The following GDPD5 variants were observed in gnomAD, a reference collection of about 807,000 sequenced individuals.
The protein encoded by GDPD5 is glycerophosphodiester phosphodiesterase domain containing 5.
GDPD5 carries 48 observed loss-of-function variants against 75.1 expected under a neutral mutation model. That is an observed-to-expected ratio of 0.64 (90% CI 0.51 to 0.81). GDPD5 has a LOEUF of 0.81. Ranked by LOEUF, GDPD5 falls within the 40% of genes least tolerant of loss-of-function variation. GDPD5 has a pLI of 0.00. For synonymous variants in GDPD5, 336 were observed against 339.0 expected (o/e 0.99, Z 0.10); for missense variants, 706 against 822.6 (o/e 0.86, Z 1.73).
intron 14 of GDPD5, 47 bp from the exon 15 acceptor site, chr11:75,440,008 G>A: frequency 6.8e-7 from 1 of 1,460,000 alleles, no homozygotes; most frequent in Non-Finnish European, 9.6e-7. Flanking sequence ...GGCCAGTCCA[G>A]ACTGAGGCTC....
chr11:75,462,723 G>A lies in GDPD5; in HGVS notation c.221+63C>T, dbSNP rs762797062. ...AGACAGGCTCTAACTCCAGCCCCCA[G>A]GTCCCAGCTACTGGATACCCAGCTC... On this transcript the variant is annotated intron_variant, in intron 4 of 16. Coordinates refer to ENST00000336898, the MANE Select transcript of GDPD5 (RefSeq NM_030792.8). 2.7e-4 allele frequency: 341 copies of A among 1,267,676 alleles called. 1 individual carries two copies. Among genetic ancestry groups the A allele is most frequent in the Non-Finnish European group, 3.6e-4 (316 of 883,866 alleles). The allele number at this position is 1,267,676 out of a possible 1,614,324, so 78.5% of individuals were successfully genotyped here. A position where few individuals can be genotyped will look rare whatever the true frequency, so the allele number is the denominator to read the frequency against.
intron 14 of GDPD5, among the ~76,000 whole-genome samples, chr11:75,440,558 C>T (rs963539543): frequency 5.3e-5 from 8 of 152,056 alleles, no homozygotes; most frequent in African/African-American, 1.7e-4. Flanking sequence ...TTAATTGTTT[C>T]CTATTCTTTT....
chr11:75,481,122 AC>A (rs1337478930), intron 2 of GDPD5, among the ~76,000 whole-genome samples: 1 of 152,126 alleles, frequency 6.6e-6, no homozygotes, highest in African/African-American at 2.4e-5. Context: ...GTGGGCACTG[AC>A]CAAAGTGCAG....
At chr11:75,437,322 A>C in intron 15 of GDPD5, 1 of 463,934 alleles carries the variant, frequency 2.2e-6, no homozygotes, top group Non-Finnish European at 3.9e-6. Flanking sequence ...GTTCTGTCTC[A>C]GGTGTCCCCA....
intron 1 of GDPD5, among the ~76,000 whole-genome samples, chr11:75,504,822 C>A (rs536179926): frequency 6.6e-6 from 1 of 152,098 alleles, no homozygotes; most frequent in African/African-American, 2.4e-5. Flanking sequence ...TTAAATAATA[C>A]AATTTTTAAA....
At chr11:75,464,983 CCTT>C (rs1382743860) in intron 3 of GDPD5, among the ~76,000 whole-genome samples, 6 of 152,312 alleles carry the variant, frequency 3.9e-5, no homozygotes, top group African/African-American at 1.4e-4. Context: ...CAGGACTAGT[CCTT>C]CTCAGAATCC....
At chr11:75,456,982 A>C (rs957303470) in intron 5 of GDPD5, among the ~76,000 whole-genome samples, 166 bp from the exon 6 acceptor site, 71 of 152,228 alleles carry the variant, frequency 4.7e-4, no homozygotes, top group Admixed American at 4.6e-3. Context: ...AGCCCAGCCC[A>C]GACTAGCCAG....
At chr11:75,455,855 C>T (rs1056592294) in intron 6 of GDPD5, among the ~76,000 whole-genome samples, 5 of 152,170 alleles carry the variant, frequency 3.3e-5, no homozygotes, top group Non-Finnish European at 7.3e-5. Flanking sequence ...GTTAAGGCTC[C>T]GGAATGGGTG....
chr11:75,503,204 G>C (rs1350142704), intron 1 of GDPD5, among the ~76,000 whole-genome samples: 1 of 152,158 alleles, frequency 6.6e-6, no homozygotes, highest in Non-Finnish European at 1.5e-5. Flanking sequence ...ATTTTTAATA[G>C]AGATGGGGGT....
At chr11:75,464,079 G>A (rs981605112) in intron 3 of GDPD5, among the ~76,000 whole-genome samples, 1 of 152,198 alleles carries the variant, frequency 6.6e-6, no homozygotes, top group African/African-American at 2.4e-5. Flanking sequence ...AGACTGAGCC[G>A]ACTTCCACTC....
chr11:75,509,962 G>A (rs1950481399), intron 1 of GDPD5, among the ~76,000 whole-genome samples: 1 of 152,196 alleles, frequency 6.6e-6, no homozygotes, highest in Non-Finnish European at 1.5e-5. Context: ...TTATAGGCAT[G>A]AGCTACCACA....
intron 1 of GDPD5, chr11:75,515,891 C>T (rs2135499896): frequency 6.6e-6 from 1 of 152,376 alleles, no homozygotes; most frequent in Non-Finnish European, 1.5e-5. Context: ...TCTGTGGCAG[C>T]TCGGCTGCTG....
intron 2 of GDPD5, among the ~76,000 whole-genome samples, chr11:75,482,806 C>T (rs1949946793): frequency 6.6e-6 from 1 of 152,220 alleles, no homozygotes; most frequent in African/African-American, 2.4e-5. Context: ...ATATCCCTGG[C>T]ATGTCCCTCC....
At chr11:75,468,590 G>A (rs530693490) in intron 3 of GDPD5, among the ~76,000 whole-genome samples, 34 of 152,248 alleles carry the variant, frequency 2.2e-4, no homozygotes, top group African/African-American at 7.2e-4. Context: ...GGACAGTATC[G>A]GCATGCTGCC....
At chr11:75,462,716 G>T in intron 4 of GDPD5, 70 bp downstream of exon 4, 1 of 1,198,484 alleles carries the variant, frequency 8.3e-7, no homozygotes, top group Non-Finnish European at 1.2e-6. Flanking sequence ...TCTAACTCCA[G>T]CCCCCAGGTC....
intron 9 of GDPD5, among the ~76,000 whole-genome samples, chr11:75,444,751 A>G: frequency 6.6e-6 from 1 of 152,108 alleles, no homozygotes; most frequent in Non-Finnish European, 1.5e-5. Context: ...ATGCATATAA[A>G]TGCCTGACAT....
chr11:75,487,230 T>A (rs1213474768), intron 2 of GDPD5, among the ~76,000 whole-genome samples: 2 of 152,294 alleles, frequency 1.3e-5, no homozygotes, highest in African/African-American at 4.8e-5. Context: ...AATGGAGAGA[T>A]CCCCGGCTGC....
At chr11:75,481,588 G>A (rs1286085699) in intron 2 of GDPD5, among the ~76,000 whole-genome samples, 1 of 152,076 alleles carries the variant, frequency 6.6e-6, no homozygotes, top group African/African-American at 2.4e-5. Context: ...GGGGGTTGGT[G>A]TAGGGTGCTC....
intron 1 of GDPD5, among the ~76,000 whole-genome samples, chr11:75,516,930 A>G (rs187239399): frequency 6.6e-6 from 1 of 152,348 alleles, no homozygotes; most frequent in East Asian, 1.9e-4. Flanking sequence ...AAGCCCTGAG[A>G]ATGACCTTGT....
Sources: allele counts gnomAD v4.1 joint callset (sites outside exome capture counted in the v4.1 genomes callset), GRCh38; gene constraint gnomAD v4.1.1; transcripts MANE v1.5; gene names NCBI Gene and HGNC (gene_info 2026-07-23, HGNC 2026-07-21).